Variants in SLC39A6 observed in about 807,000 individuals in gnomAD.
The protein encoded by SLC39A6 is solute carrier family 39 member 6.
Under a neutral mutation model 63.5 loss-of-function variants are expected in SLC39A6, and 51 were observed. The ratio of observed to expected loss-of-function variants is 0.80; its 90% CI spans 0.64 to 1.01. SLC39A6 has a LOEUF of 1.01. Among genes scored for constraint, SLC39A6 ranks in the 50% least tolerant of loss-of-function variants. The probability of loss-of-function intolerance (pLI) is 0.00; values close to 1 mark genes in which losing one functional copy is unlikely to be tolerated. For missense variants in SLC39A6, 805 were observed against 927.8 expected, an observed-to-expected ratio of 0.87 and a Z score of 1.72; for synonymous variants, 318 against 324.7, an observed-to-expected ratio of 0.98 and a Z score of 0.22.
chr18:36,109,979 G>T (rs938311255), intron 9 of SLC39A6, among the ~76,000 whole-genome samples: 2 of 152,088 alleles, frequency 1.3e-5, no homozygotes, highest in African/African-American at 4.8e-5. Context: ...GAAAAAGTTT[G>T]TATTGGTTCC....
Position 36,122,244 on chromosome 18 carries a change from A to G in SLC39A6, c.1167T>C (p.His389=). The G allele has an allele frequency of 3.1e-6, 5 of 1,613,936 alleles. No individual in the cohort carries two copies. The highest frequency in any genetic ancestry group is 4.2e-6 in the Non-Finnish European group (5 of 1,179,872). ...PHSHASHHHS[H]SHEEPAMEMK... is the part of the protein sequence containing the mutation. ...TTTCCATTGCTGGTTCTTCATGGCT[A>G]TGACTATGGTGGTGACTTGCATGAG... Residue 389 remains histidine, a synonymous_variant, in exon 5 of 10, where the codon CAT becomes CAC. Transcript: ENST00000269187.
Position 36,123,621 on chromosome 18 carries a change from C to G in SLC39A6, c.1014G>C (p.Leu338=). The G allele has an allele frequency of 6.2e-7, 1 of 1,611,864 alleles. No homozygotes were observed. The highest frequency in any genetic ancestry group is 8.5e-7 in the Non-Finnish European group (1 of 1,179,492). The part of the protein sequence containing the change: ...GFIAISIISF[L]SLLGVILVPL... ...GCACTAAGATAACCCCCAGCAGAGA[C>G]AGGAAACTGATGATGGAAATGGCTA... Residue 338 remains leucine (L), a synonymous_variant, in exon 4 of 10, where the codon CTG becomes CTC. Transcript: ENST00000269187.
At chr18:36,110,152 AAAAAT>A (rs2144495744) in intron 9 of SLC39A6, among the ~76,000 whole-genome samples, 1 of 152,320 alleles carries the variant, frequency 6.6e-6, no homozygotes, top group South Asian at 2.1e-4. Context: ...AGTAAAAAAT[AAAAAT>A]AAAATAATAA....
chr18:36,115,257 T>C (rs1385105289), intron 6 of SLC39A6, among the ~76,000 whole-genome samples: 7 of 152,014 alleles, frequency 4.6e-5, no homozygotes, highest in Non-Finnish European at 1.0e-4. Context: ...CTGGCTAACA[T>C]GGTGAAACCC....
intron 6 of SLC39A6, among the ~76,000 whole-genome samples, chr18:36,116,172 T>C (rs1476739039): frequency 6.6e-6 from 1 of 152,212 alleles, no homozygotes; most frequent in African/African-American, 2.4e-5. Flanking sequence ...AGAATGGCAC[T>C]GTATCAGTAT....
At chr18:36,114,518 G>A in intron 6 of SLC39A6, 44 bp from the exon 7 acceptor site, 1 of 1,473,722 alleles carries the variant, frequency 6.8e-7, no homozygotes, top group Non-Finnish European at 9.2e-7. Context: ...AGAAGGCTTT[G>A]TTAATGGACT....
At chr18:36,124,109 C>T (rs1015708556) in intron 3 of SLC39A6, among the ~76,000 whole-genome samples, 2 of 151,956 alleles carry the variant, frequency 1.3e-5, no homozygotes, top group African/African-American at 2.4e-5. Context: ...AGCAGTGATT[C>T]CTTCCTCATT....
rs1051161527 is a variant in SLC39A6, at chr18:36,129,096, C to G, written c.-10+18G>C. 1.3e-5 allele frequency: 2 copies of G among 152,712 alleles called. No individual in the cohort carries two copies. Among genetic ancestry groups the G allele is most frequent in the African/African-American group, 2.4e-5 (1 of 41,456 alleles). 9.5% of individuals were successfully genotyped at this position (152,712 alleles called of 1,614,324 possible). On this transcript the variant is annotated intron_variant, in intron 1 of 9. Transcript: ENST00000269187. Reference sequence around the variant, plus strand: ...GCTCCCCTCCCAGCCGCCCTGCTCCCGGACCTGAAAGACTCACGTCTCCGC... The same window carrying G: ...GCTCCCCTCCCAGCCGCCCTGCTCCGGGACCTGAAAGACTCACGTCTCCGC...
chr18:36,126,986 T>C lies in SLC39A6; in HGVS notation c.22A>G (p.Ile8Val), dbSNP rs1465094802. ...GAGAGGGCAAAGGTCAGGATCAAGA[T>C]TACAGATAACTTCCTCGCCATTGCG... MARKLSV[I>V]LILTFALSVT... Residue 8 changes from isoleucine (I) to valine (V), a missense_variant, in exon 2 of 10, where the codon ATC (isoleucine) becomes GTC (valine). Around this residue, in one of 4 missense-constraint regions of SLC39A6, gnomAD observed 639 missense variants for 644.0 expected, o/e 0.99. Transcript: ENST00000269187. The C allele has an allele frequency of 1.2e-6, 2 of 1,612,040 alleles. No individual in the cohort carries two copies. The highest frequency in any genetic ancestry group is 2.2e-5 in the East Asian group (1 of 44,840).
At chr18:36,122,021 C>A in intron 5 of SLC39A6, 31 bp downstream of exon 5, 2 of 1,442,402 alleles carry the variant, frequency 1.4e-6, no homozygotes, top group Non-Finnish European at 1.9e-6. Context: ...ATATCTGAAG[C>A]ATAGTAAGTA....
At chr18:36,123,855 A>G (rs1399529747) in intron 3 of SLC39A6, among the ~76,000 whole-genome samples, 191 bp from the exon 4 acceptor site, 1 of 152,180 alleles carries the variant, frequency 6.6e-6, no homozygotes, top group Admixed American at 6.5e-5. Context: ...TCAAATGAAC[A>G]ACCTGACTGG....
At position 36,123,564 on chromosome 18, in the gene SLC39A6, G is replaced by C. The variant is rs746348986; in HGVS notation, c.1071C>G (p.Leu357=). 6.2e-7 allele frequency: 1 copy of C among 1,613,426 alleles called. No individual in the cohort carries two copies. Among genetic ancestry groups the C allele is most frequent in the South Asian group, 1.1e-5 (1 of 90,986 alleles). ...CGGCCAGTGCCACAAGGAAACTCAG[G>C]AGAAATTTGAAAAACACCCGATTCA... is the stretch of plus-strand genomic sequence containing the variant. ...PLMNRVFFKF[L]LSFLVALAVG... Residue 357 remains leucine, a synonymous_variant, in exon 4 of 10, where the codon CTC becomes CTG. Coordinates refer to ENST00000269187, the MANE Select transcript of SLC39A6 (RefSeq NM_012319.4).
At chr18:36,116,846 T>C in intron 5 of SLC39A6, 67 bp from the exon 6 acceptor site, 3 of 1,134,226 alleles carry the variant, frequency 2.6e-6, no homozygotes, top group East Asian at 2.4e-5. Flanking sequence ...TTTCAATCAA[T>C]AACCAGGTAA....
rs546233813 is a variant in SLC39A6 at position 36,109,543 on chromosome 18, C to T, written c.*50G>A. On this transcript the variant is annotated 3_prime_UTR_variant, in exon 10 of 10. Transcript: ENST00000269187. ...GCATACAAACTCATCTCCCTATGAC[C>T]TACTGAAACTATGACAACTTTTTAA... is the stretch of plus-strand genomic sequence containing the variant. 1 of 1,456,042 alleles carries T rather than the reference C, an allele frequency of 6.9e-7. No individual in the cohort carries two copies. The highest frequency in any genetic ancestry group is 2.3e-5 in the East Asian group (1 of 44,062). The allele number at this position is 1,456,042 out of a possible 1,614,324, so 90.2% of individuals were successfully genotyped here.
chr18:36,118,538 A>T (rs1475544114), intron 5 of SLC39A6, among the ~76,000 whole-genome samples: 2 of 152,146 alleles, frequency 1.3e-5, no homozygotes, highest in Non-Finnish European at 2.9e-5. Context: ...CCAGGCAGGG[A>T]GTAGCACCAG....
chr18:36,118,143 T>C (rs1216457366), intron 5 of SLC39A6, among the ~76,000 whole-genome samples: 3 of 152,154 alleles, frequency 2.0e-5, no homozygotes, highest in Admixed American at 6.5e-5. Flanking sequence ...ACTCAGGGTA[T>C]CTTAAATCAT....
At chr18:36,127,903 C>T (rs1013274238) in intron 1 of SLC39A6, among the ~76,000 whole-genome samples, 4 of 151,670 alleles carry the variant, frequency 2.6e-5, no homozygotes, top group Non-Finnish European at 5.9e-5. Context: ...GTGACCACTA[C>T]GCCCAGCCTC....
Position 36,122,265 on chromosome 18 carries a change from A to T in SLC39A6, c.1146T>A (p.His382Gln), listed in dbSNP as rs1014954190. The change falls in exon 5 of 10, where the codon CAT (histidine) becomes CAA (glutamine). Residue 382 changes from histidine to glutamine, a missense_variant. Physicochemically the swap from His to Gln is conservative, Grantham distance 24. Coordinates refer to ENST00000269187, the MANE Select transcript of SLC39A6 (RefSeq NM_012319.4). ...GGCTATGACTATGGTGGTGACTTGCATGAGACTGAAGGCAAAATAATTTGT... is the reference window on the plus strand; with the variant it reads ...GGCTATGACTATGGTGGTGACTTGCTTGAGACTGAAGGCAAAATAATTTGT... ...DAFLHLLPHS[H>Q]ASHHHSHSHE... 1.7e-5 allele frequency: 27 copies of T among 1,605,526 alleles called. No individual in the cohort carries two copies. In the Admixed American group the frequency reaches 4.1e-4, roughly 24 times the overall value.
At chr18:36,110,978 A>G in intron 9 of SLC39A6, 81 bp downstream of exon 9, 2 of 1,558,756 alleles carry the variant, frequency 1.3e-6, no homozygotes, top group Non-Finnish European at 8.7e-7. Flanking sequence ...CCAAAAAGAG[A>G]GAAAAAAAAT....
Sources: allele counts gnomAD v4.1 joint callset (sites outside exome capture counted in the v4.1 genomes callset), GRCh38; gene constraint gnomAD v4.1.1; regional missense constraint gnomAD v4.1.1; transcripts MANE v1.5; gene names NCBI Gene and HGNC (gene_info 2026-07-23, HGNC 2026-07-21).